ARHGAP10: variants seen among roughly 807,000 people sequenced by gnomAD.
The protein encoded by ARHGAP10 is Rho GTPase activating protein 10, also known as rho GTPase-activating protein 10.
A neutral mutation model predicts 108.6 loss-of-function variants in ARHGAP10; 87 were observed. The observed-to-expected ratio is 0.80, with a 90% CI of 0.67 to 0.96. The LOEUF is 0.96. ARHGAP10 is among the 40% of genes least tolerant of loss of function. The probability of loss-of-function intolerance (pLI) is 0.00; values close to 1 mark genes in which losing one functional copy is unlikely to be tolerated. For missense variants in ARHGAP10, 939 were observed against 954.5 expected (o/e 0.98, Z 0.21); for synonymous variants, 347 against 341.1 (o/e 1.02, Z -0.19).
At chr4:147,895,513 A>AAG (rs1491425388) in intron 10 of ARHGAP10, among the ~76,000 whole-genome samples, 1 of 9,700 alleles carries the variant, frequency 1.0e-4, no homozygotes, top group Non-Finnish European at 1.2e-3. Flanking sequence ...ACCCTGTCTC[A>AAG]AAAAAAAAAA....
At chr4:148,051,594 G>A (rs999793454) in intron 20 of ARHGAP10, among the ~76,000 whole-genome samples, 15 of 152,124 alleles carry the variant, frequency 9.9e-5, no homozygotes, top group African/African-American at 3.1e-4. Context: ...TGGGGGTGCC[G>A]GCACCCTGAG....
At chr4:147,844,983 C>T (rs546945118) in intron 3 of ARHGAP10, among the ~76,000 whole-genome samples, 6 of 152,306 alleles carry the variant, frequency 3.9e-5, no homozygotes, top group South Asian at 4.1e-4. Context: ...CCACAAGGCC[C>T]GGCACGCTCT....
intron 18 of ARHGAP10, among the ~76,000 whole-genome samples, chr4:147,977,928 T>C (rs941001367): frequency 6.6e-6 from 1 of 152,314 alleles, no homozygotes; most frequent in East Asian, 1.9e-4. Context: ...TTTCTGTTTC[T>C]CCATTAGTTC....
intron 13 of ARHGAP10, among the ~76,000 whole-genome samples, chr4:147,930,139 G>T (rs1176417059): frequency 6.6e-6 from 1 of 152,128 alleles, no homozygotes; most frequent in Non-Finnish European, 1.5e-5. Context: ...CAATCTGCTG[G>T]TTACTAGATG....
At chr4:147,776,978 G>T (rs541493025) in intron 1 of ARHGAP10, among the ~76,000 whole-genome samples, 2 of 152,190 alleles carry the variant, frequency 1.3e-5, no homozygotes, top group African/African-American at 4.8e-5. Context: ...TGACATTGAC[G>T]CTCTGGAGAT....
intron 1 of ARHGAP10, among the ~76,000 whole-genome samples, chr4:147,793,639 G>T (rs1373752869): frequency 6.6e-6 from 1 of 152,144 alleles, no homozygotes; most frequent in Non-Finnish European, 1.5e-5. Context: ...GTATCAGCCT[G>T]CCCTCACTTC....
At chr4:148,058,371 A>G (rs1729453285) in intron 20 of ARHGAP10, among the ~76,000 whole-genome samples, 1 of 152,238 alleles carries the variant, frequency 6.6e-6, no homozygotes, top group Non-Finnish European at 1.5e-5. Context: ...GTCACTTCAA[A>G]TAAGCATTCA....
At chr4:147,951,225 C>G (rs879530954) in intron 15 of ARHGAP10, among the ~76,000 whole-genome samples, 2 of 152,082 alleles carry the variant, frequency 1.3e-5, no homozygotes, top group Non-Finnish European at 2.9e-5. Flanking sequence ...TAAGGTTTCT[C>G]ATTCCCCCCC....
At chr4:147,911,949 T>A (rs1342623521) in intron 12 of ARHGAP10, among the ~76,000 whole-genome samples, 2 of 135,888 alleles carry the variant, frequency 1.5e-5, no homozygotes, top group African/African-American at 5.4e-5. Context: ...TTTTTTTTTT[T>A]AAAGGATTGT....
At chr4:147,876,437 C>T (rs1323644079) in intron 8 of ARHGAP10, among the ~76,000 whole-genome samples, 1 of 151,886 alleles carries the variant, frequency 6.6e-6, no homozygotes, top group Non-Finnish European at 1.5e-5. Flanking sequence ...CTAAAAAATA[C>T]AAAAAATCAG....
chr4:148,004,234 A>C (rs775353853), intron 18 of ARHGAP10, among the ~76,000 whole-genome samples: 9 of 152,236 alleles, frequency 5.9e-5, no homozygotes, highest in Non-Finnish European at 7.3e-5. Flanking sequence ...TCTCTCTGCT[A>C]TCAAATACTC....
intron 10 of ARHGAP10, 117 bp downstream of exon 10, chr4:147,882,049 T>C (rs1735350798): frequency 1.1e-6 from 1 of 920,136 alleles, no homozygotes; most frequent in African/African-American, 1.7e-5. Flanking sequence ...TATCTTGCTA[T>C]ATTTCCAGGC....
intron 7 of ARHGAP10, among the ~76,000 whole-genome samples, chr4:147,871,528 G>T (rs1347112405): frequency 3.9e-5 from 6 of 152,162 alleles, no homozygotes; most frequent in Non-Finnish European, 8.8e-5. Flanking sequence ...ATTTGGAAAT[G>T]TTTAATTACT....
At chr4:148,006,205 C>T (rs1740943029) in intron 18 of ARHGAP10, among the ~76,000 whole-genome samples, 1 of 152,186 alleles carries the variant, frequency 6.6e-6, no homozygotes, top group African/African-American at 2.4e-5. Flanking sequence ...TGAGGAAGCC[C>T]ATGCTCACCG....
At chr4:147,888,036 C>A (rs1735640350) in intron 10 of ARHGAP10, among the ~76,000 whole-genome samples, 1 of 152,050 alleles carries the variant, frequency 6.6e-6, no homozygotes, top group African/African-American at 2.4e-5. Context: ...CGCAGCATCC[C>A]TGACATTGCC....
intron 13 of ARHGAP10, among the ~76,000 whole-genome samples, chr4:147,927,863 T>C (rs1009043740): frequency 1.7e-4 from 26 of 152,162 alleles, no homozygotes; most frequent in Non-Finnish European, 2.2e-4. Flanking sequence ...CTGTATTAGA[T>C]ACTGGGATCG....
chr4:147,839,024 C>T (rs1733288651), intron 3 of ARHGAP10, among the ~76,000 whole-genome samples: 1 of 152,088 alleles, frequency 6.6e-6, no homozygotes, highest in Non-Finnish European at 1.5e-5. Flanking sequence ...AACTCTTACA[C>T]GAGGCAAGTT....
chr4:147,863,670 T>G (rs1734421346), intron 5 of ARHGAP10: 1 of 152,200 alleles, frequency 6.6e-6, no homozygotes, highest in Non-Finnish European at 1.5e-5. Context: ...TTTAATTTTT[T>G]GCTGGGAGTT....
At chr4:148,017,205 G>T (rs1168961278) in intron 18 of ARHGAP10, among the ~76,000 whole-genome samples, 1 of 152,062 alleles carries the variant, frequency 6.6e-6, no homozygotes, top group African/African-American at 2.4e-5. Context: ...ATTCTTCTTG[G>T]CCTCTCTGTG....
Sources: gnomAD v4.1 joint callset for allele counts (sites outside exome capture counted in the v4.1 genomes callset) on GRCh38, gnomAD v4.1.1 for gene constraint, MANE v1.5 for transcripts, NCBI Gene and HGNC (gene_info 2026-07-23, HGNC 2026-07-21) for gene names.